ATCAY: variants seen among roughly 807,000 people sequenced by gnomAD.
The protein encoded by ATCAY is ATCAY kinesin light chain interacting caytaxin, also known as caytaxin.
In ATCAY, 22 loss-of-function variants were observed where a neutral mutation model predicts 47.7. The ratio of observed to expected loss-of-function variants is 0.46; its 90% CI spans 0.33 to 0.66. The LOEUF is 0.66. Among genes scored for constraint, ATCAY ranks in the 30% least tolerant of loss-of-function variants. The pLI, the probability that ATCAY is intolerant of heterozygous loss-of-function variation, is 0.02. For synonymous variants in ATCAY, 216 were observed against 207.6 expected, an observed-to-expected ratio of 1.04 and a Z score of -0.35; for missense variants, 452 against 515.0, an observed-to-expected ratio of 0.88 and a Z score of 1.18.
chr19:3,905,470 G>T lies in ATCAY; in HGVS notation c.173G>T (p.Arg58Leu). 6.2e-7 allele frequency: 1 copy of T among 1,613,540 alleles called. No homozygotes were observed. The highest frequency in any genetic ancestry group is 8.5e-7 in the Non-Finnish European group (1 of 1,179,684). ...PNTLNFNGAH[R>L]KRKTLVAPEI... is the part of the protein sequence containing the mutation. ...ACGCTAAATTTCAACGGAGCGCATCGTAAGAGGAAGACGCTGGTGGCCCCA... is the reference window on the plus strand; with the variant it reads ...ACGCTAAATTTCAACGGAGCGCATCTTAAGAGGAAGACGCTGGTGGCCCCA... The change falls in exon 4 of 13, where the codon CGT (arginine) becomes CTT (leucine). Residue 58 changes from arginine to leucine, a missense_variant. Arg to Leu is a moderately radical substitution (Grantham distance 102). Transcript: ENST00000450849.
At chr19:3,906,097 G>A (rs1027731363) in intron 4 of ATCAY, among the ~76,000 whole-genome samples, 49 of 151,382 alleles carry the variant, frequency 3.2e-4, no homozygotes, top group Middle Eastern at 3.4e-3. Flanking sequence ...TGTGAACCCA[G>A]GAGGCCGAGC....
intron 9 of ATCAY, among the ~76,000 whole-genome samples, chr19:3,915,286 C>T (rs2038957196): frequency 6.6e-6 from 1 of 151,642 alleles, no homozygotes; most frequent in Admixed American, 6.6e-5. Flanking sequence ...GATTCTCCTG[C>T]CTCAGCCTCC....
At chr19:3,912,244 G>A (rs1371192463) in intron 8 of ATCAY, among the ~76,000 whole-genome samples, 2 of 152,160 alleles carry the variant, frequency 1.3e-5, no homozygotes, top group African/African-American at 2.4e-5. Context: ...AGGTCGAGAT[G>A]AGAGGATCGC....
chr19:3,884,778 C>A (rs2038633354), intron 1 of ATCAY, among the ~76,000 whole-genome samples: 1 of 152,002 alleles, frequency 6.6e-6, no homozygotes, highest in African/African-American at 2.4e-5. Flanking sequence ...AACAGGGGAA[C>A]CTCATGGGGC....
chr19:3,914,458 A>T (rs1387094396), intron 9 of ATCAY, among the ~76,000 whole-genome samples: 1 of 151,922 alleles, frequency 6.6e-6, no homozygotes. Flanking sequence ...GTGACCTCCC[A>T]CCAGGTCACT....
intron 5 of ATCAY, 117 bp from the exon 6 acceptor site, chr19:3,908,151 G>C (rs948630232): frequency 1.9e-6 from 2 of 1,068,812 alleles, no homozygotes; most frequent in Non-Finnish European, 2.8e-6. Context: ...CGGCTGCTGT[G>C]GCTCGGAGCC....
intron 5 of ATCAY, 141 bp from the exon 6 acceptor site, chr19:3,908,126 TG>T (rs2038881785): frequency 1.0e-6 from 1 of 995,482 alleles, no homozygotes; most frequent in African/African-American, 1.6e-5. Flanking sequence ...AGGCAGAGAC[TG>T]GCTAAGGGGT....
chr19:3,884,719 C>A (rs2038632952), intron 1 of ATCAY, among the ~76,000 whole-genome samples: 1 of 152,016 alleles, frequency 6.6e-6, no homozygotes, highest in African/African-American at 2.4e-5. Flanking sequence ...AAACTCTGAA[C>A]CCCACTGTGC....
chr19:3,883,806 A>C (rs756365992), intron 1 of ATCAY, among the ~76,000 whole-genome samples: 1 of 152,182 alleles, frequency 6.6e-6, no homozygotes, highest in Non-Finnish European at 1.5e-5. Flanking sequence ...CTTAGAGGTC[A>C]TCTCTAATTC....
chr19:3,923,943 G>C (rs1202446836), intron 12 of ATCAY, among the ~76,000 whole-genome samples: 1 of 148,798 alleles, frequency 6.7e-6, no homozygotes, highest in Non-Finnish European at 1.5e-5. Context: ...TGCATGGATG[G>C]ATGGCTAGAT....
At chr19:3,911,682 T>C (rs1317787537) in intron 8 of ATCAY, among the ~76,000 whole-genome samples, 1 of 152,144 alleles carries the variant, frequency 6.6e-6, no homozygotes, top group Non-Finnish European at 1.5e-5. Context: ...AAATTAGGCA[T>C]GTTAAATGCC....
intron 2 of ATCAY, among the ~76,000 whole-genome samples, chr19:3,899,640 G>A (rs1441771006): frequency 6.6e-6 from 1 of 152,054 alleles, no homozygotes; most frequent in Non-Finnish European, 1.5e-5. Context: ...TAAAGGAAAG[G>A]AACATGCATT....
chr19:3,913,203 G>A (rs1331546318), intron 8 of ATCAY, among the ~76,000 whole-genome samples: 2 of 150,712 alleles, frequency 1.3e-5, no homozygotes, highest in African/African-American at 2.4e-5. Context: ...AGGGAAAATC[G>A]CTTGAACCGG....
intron 2 of ATCAY, among the ~76,000 whole-genome samples, chr19:3,899,472 C>A (rs1047069314): frequency 1.3e-5 from 2 of 151,836 alleles, no homozygotes; most frequent in African/African-American, 4.8e-5. Context: ...CACCACCACG[C>A]CCAGATAATT....
chr19:3,895,276 A>G lies in ATCAY; in HGVS notation c.78-7211A>G, dbSNP rs1275093689. 7 of 454,620 alleles carry G rather than the reference A, an allele frequency of 1.5e-5. No homozygotes were observed. In the Admixed American group the frequency reaches 1.6e-4, roughly 11 times the overall value. 28.2% of individuals were successfully genotyped at this position (454,620 alleles called of 1,614,324 possible). On this transcript the variant is annotated intron_variant, in intron 2 of 12. Coordinates refer to ENST00000450849, the MANE Select transcript of ATCAY (RefSeq NM_033064.5). ...TGTCGCCAGGCTGGAGTGCAATGGC[A>G]CGATCTCAGCTCACTGCAACCTCCG...
chr19:3,921,186 C>T (rs374364811), intron 12 of ATCAY, among the ~76,000 whole-genome samples: 5 of 152,140 alleles, frequency 3.3e-5, no homozygotes, highest in African/African-American at 4.8e-5. Flanking sequence ...GCTCTGCCTC[C>T]GATTCTCCAC....
Position 3,880,933 on chromosome 19 carries a change from A to T in ATCAY, c.-117A>T, listed in dbSNP as rs562110081. On this transcript the variant is annotated 5_prime_UTR_variant, in exon 1 of 13. Coordinates refer to ENST00000450849, the MANE Select transcript of ATCAY (RefSeq NM_033064.5). ...AGGCTCTGAAGGCCCGGGGAGCGTGAGCGATGCCCAGCTGCACCCGGGCAG... is the reference window on the plus strand; with the variant it reads ...AGGCTCTGAAGGCCCGGGGAGCGTGTGCGATGCCCAGCTGCACCCGGGCAG... 8 of 152,136 alleles carry T rather than the reference A, an allele frequency of 5.3e-5. No homozygotes were observed. The highest frequency in any genetic ancestry group is 2.0e-4 in the Admixed American group (3 of 15,258). 9.4% of individuals were successfully genotyped at this position (152,136 alleles called of 1,614,324 possible).
chr19:3,902,383 T>G lies in ATCAY; in HGVS notation c.78-104T>G, dbSNP rs1397610782. ...AGAACTAAATGTGTTTTGCTTTTGT[T>G]CTTGTCTGACTCGCCTGGCTGGACC... On this transcript the variant is annotated intron_variant, in intron 2 of 12. Coordinates refer to ENST00000450849, the MANE Select transcript of ATCAY (RefSeq NM_033064.5). The G allele has an allele frequency of 3.8e-6, 4 of 1,066,600 alleles. No individual in the cohort carries two copies. The East Asian group carries it at 1.0e-4, about 28-fold the overall frequency. 66.1% of individuals were successfully genotyped at this position (1,066,600 alleles called of 1,614,324 possible).
chr19:3,907,382 G>T lies in ATCAY; in HGVS notation c.359-352G>T, dbSNP rs2038870607. Among the ~76,000 whole-genome samples, 1 of 152,100 alleles carries T rather than the reference G, an allele frequency of 6.6e-6. No homozygotes were observed. The highest frequency in any genetic ancestry group is 1.5e-5 in the Non-Finnish European group (1 of 68,014). ...CTGCTCTCTGTGTGCCAGGCTCCTG[G>T]GAGAGTAAAAACCAAGCATGCATGC... is the stretch of plus-strand genomic sequence containing the variant. On this transcript the variant is annotated intron_variant, in intron 4 of 12. Transcript: ENST00000450849. The surrounding 1 kb of genome is among the most constrained non-coding windows in gnomAD (Gnocchi z 5.1).
Sources: allele counts gnomAD v4.1 joint callset (sites outside exome capture counted in the v4.1 genomes callset), GRCh38; gene constraint gnomAD v4.1.1; non-coding constraint Gnocchi (gnomAD v3.1); transcripts MANE v1.5; gene names NCBI Gene and HGNC (gene_info 2026-07-23, HGNC 2026-07-21).